TBX15: variants seen among roughly 807,000 people sequenced by gnomAD.
The protein encoded by TBX15 is T-box transcription factor TBX15.
A neutral mutation model predicts 53.9 loss-of-function variants in TBX15; 18 were observed. That is an observed-to-expected ratio of 0.33 (90% CI 0.23 to 0.49). The LOEUF (loss-of-function observed/expected upper bound fraction) is 0.49. Ranked by LOEUF, TBX15 falls within the 20% of genes least tolerant of loss-of-function variation. The pLI, the probability that TBX15 is intolerant of heterozygous loss-of-function variation, is 0.98. For synonymous variants in TBX15, 295 were observed against 278.0 expected (o/e 1.06, Z -0.61); for missense variants, 692 against 749.5 (o/e 0.92, Z 0.90).
intron 6 of TBX15, among the ~76,000 whole-genome samples, chr1:118,902,332 A>G (rs1654659504): frequency 6.6e-6 from 1 of 152,142 alleles, no homozygotes; most frequent in Non-Finnish European, 1.5e-5. Flanking sequence ...CCATGGCAAG[A>G]TTAAACAATT....
At chr1:118,911,259 T>C (rs1655016783) in intron 6 of TBX15, among the ~76,000 whole-genome samples, 1 of 152,226 alleles carries the variant, frequency 6.6e-6, no homozygotes, top group African/African-American at 2.4e-5. Context: ...ATTAAAGGTC[T>C]GGAACACAGT....
Position 118,893,517 on chromosome 1 carries a change from A to G in TBX15, c.1024+5511T>C, listed in dbSNP as rs868851676. ...AAGAAAGAAAGAAAGAAAGAAAGAA[A>G]GAAAGAAAGAAGGAAAGAAAGATGG... On this transcript the variant is annotated intron_variant, in intron 7 of 7. Coordinates refer to ENST00000369429, the MANE Select transcript of TBX15 (RefSeq NM_001330677.2). Among the ~76,000 whole-genome samples, 56 of 136,326 alleles carry G rather than the reference A, an allele frequency of 4.1e-4. 1 individual carries two copies. The highest frequency in any genetic ancestry group is 1.4e-3 in the African/African-American group (47 of 33,404). 89.4% of individuals were successfully genotyped at this position (136,326 alleles called of 152,430 possible). A position where few individuals can be genotyped will look rare whatever the true frequency, so the allele number is the denominator to read the frequency against.
intron 5 of TBX15, among the ~76,000 whole-genome samples, chr1:118,919,196 G>A (rs770287482): frequency 3.3e-5 from 5 of 152,096 alleles, no homozygotes; most frequent in South Asian, 2.1e-4. Context: ...TTTCCTGTTC[G>A]AAAACAAAAA....
At chr1:118,977,772 C>T (rs781195929) in intron 1 of TBX15, among the ~76,000 whole-genome samples, 21 of 152,358 alleles carry the variant, frequency 1.4e-4, no homozygotes, top group South Asian at 2.1e-4. Context: ...GTCTTCTGAT[C>T]TATCTTGTTG....
intron 2 of TBX15, among the ~76,000 whole-genome samples, chr1:118,930,000 G>A (rs1571183539): frequency 2.6e-5 from 4 of 152,086 alleles, no homozygotes; most frequent in Admixed American, 1.3e-4. Context: ...CCCAAGCAAC[G>A]AAAAAGAGAT....
chr1:118,976,946 G>A (rs1388840046), intron 1 of TBX15, among the ~76,000 whole-genome samples: 5 of 152,158 alleles, frequency 3.3e-5, no homozygotes, highest in African/African-American at 7.2e-5. Context: ...GTGAGTAATC[G>A]CTGTCAATTC....
At chr1:118,949,562 G>C (rs769262082) in intron 1 of TBX15, among the ~76,000 whole-genome samples, 2 of 152,196 alleles carry the variant, frequency 1.3e-5, no homozygotes, top group Non-Finnish European at 2.9e-5. Context: ...CTTCTCCAAG[G>C]ATGTCACACA....
At chr1:118,951,873 C>T (rs1354485676) in intron 1 of TBX15, among the ~76,000 whole-genome samples, 1 of 152,224 alleles carries the variant, frequency 6.6e-6, no homozygotes, top group African/African-American at 2.4e-5. Flanking sequence ...TGGGAGGGCC[C>T]TGCTCCTGCC....
At chr1:118,917,558 C>T (rs1281971191) in intron 5 of TBX15, among the ~76,000 whole-genome samples, 2 of 152,106 alleles carry the variant, frequency 1.3e-5, no homozygotes, top group East Asian at 1.9e-4. Flanking sequence ...GCATATGTGT[C>T]GTGGAACTTA....
chr1:118,954,372 C>A (rs545914561), intron 1 of TBX15, among the ~76,000 whole-genome samples: 1 of 152,280 alleles, frequency 6.6e-6, no homozygotes, highest in South Asian at 2.1e-4. Flanking sequence ...AAAGCACCAG[C>A]CTATCCCCAG....
chr1:118,941,666 G>A (rs1301696025), intron 1 of TBX15, among the ~76,000 whole-genome samples: 1 of 152,134 alleles, frequency 6.6e-6, no homozygotes, highest in South Asian at 2.1e-4. Flanking sequence ...GGCAATGTAC[G>A]AGGTGTTATT....
intron 1 of TBX15, among the ~76,000 whole-genome samples, chr1:118,955,569 T>C (rs557850806): frequency 6.6e-6 from 1 of 152,254 alleles, no homozygotes; most frequent in South Asian, 2.1e-4. Context: ...AAGAAAACCT[T>C]GGTCTGCTTT....
chr1:118,928,621 C>T (rs2068794), intron 2 of TBX15, among the ~76,000 whole-genome samples: 19,527 of 152,106 alleles, frequency 0.13, 1,776 homozygotes, highest in Non-Finnish European at 0.18. Flanking sequence ...GGCAAAAGTC[C>T]TCTCATTTAC....
intron 2 of TBX15, among the ~76,000 whole-genome samples, chr1:118,930,114 T>C (rs1655731633): frequency 6.6e-6 from 1 of 152,162 alleles, no homozygotes; most frequent in South Asian, 2.1e-4. Flanking sequence ...AGAAAGAAAA[T>C]AAACAAAATT....
At chr1:118,894,047 A>G (rs1315663879) in intron 7 of TBX15, among the ~76,000 whole-genome samples, 1 of 152,212 alleles carries the variant, frequency 6.6e-6, no homozygotes, top group Admixed American at 6.5e-5. Context: ...AGTCATATTT[A>G]AGCTGTGATC....
intron 1 of TBX15, among the ~76,000 whole-genome samples, chr1:118,946,421 GA>G (rs1656349394): frequency 1.3e-5 from 2 of 152,158 alleles, no homozygotes; most frequent in Non-Finnish European, 2.9e-5. Context: ...TGGGATTTAT[GA>G]GATTCTCAAA....
At chr1:118,948,971 A>T (rs1246166180) in intron 1 of TBX15, among the ~76,000 whole-genome samples, 2 of 152,236 alleles carry the variant, frequency 1.3e-5, no homozygotes, top group Non-Finnish European at 2.9e-5. Context: ...TTTAATTATG[A>T]GTCAGTGTGG....
chr1:118,978,938 T>A (rs1657531277), intron 1 of TBX15, among the ~76,000 whole-genome samples: 3 of 152,090 alleles, frequency 2.0e-5, no homozygotes, highest in Admixed American at 2.0e-4. Context: ...GGCTCAAATG[T>A]TTGCCCCTCC....
intron 1 of TBX15, among the ~76,000 whole-genome samples, chr1:118,973,283 T>C (rs963785369): frequency 5.9e-5 from 9 of 152,182 alleles, no homozygotes; most frequent in African/African-American, 2.2e-4. Context: ...GCTACTTCTT[T>C]GGCCTCTATC....
Sources: allele counts gnomAD v4.1 joint callset (sites outside exome capture counted in the v4.1 genomes callset), GRCh38; gene constraint gnomAD v4.1.1; transcripts MANE v1.5; gene names NCBI Gene and HGNC (gene_info 2026-07-23, HGNC 2026-07-21).